EHD1: variants seen among roughly 807,000 people sequenced by gnomAD.
EHD1 encodes the protein EH domain-containing protein 1.
EHD1 carries 19 observed loss-of-function variants against 39.0 expected under a neutral mutation model. The ratio of observed to expected loss-of-function variants is 0.49; its 90% CI spans 0.34 to 0.72. The LOEUF (loss-of-function observed/expected upper bound fraction) is 0.72, where lower values mean the gene tolerates loss of function less well. Ranked by LOEUF, EHD1 falls within the 30% of genes least tolerant of loss-of-function variation. The pLI is 0.01. For missense variants in EHD1, 542 were observed against 751.5 expected (o/e 0.72, Z 3.26); for synonymous variants, 323 against 331.2 (o/e 0.98, Z 0.27).
In EHD1 at chr11:64,854,120, A is replaced by G; in HGVS notation, c.*213T>C. The G allele has an allele frequency of 1.2e-6, 1 of 808,306 alleles. No individual in the cohort carries two copies. Among genetic ancestry groups the G allele is most frequent in the Non-Finnish European group, 1.9e-6 (1 of 529,458 alleles). 50.1% of individuals were successfully genotyped at this position (808,306 alleles called of 1,614,324 possible). On this transcript the variant is annotated 3_prime_UTR_variant, in exon 5 of 5. Transcript: ENST00000320631. ...TCTAACGTTATATATTAAAATAGCC[A>G]CAGTTCTTGTGCACACAATTCCATC...
chr11:64,871,746 G>C (rs1006432032), intron 2 of EHD1, among the ~76,000 whole-genome samples: 2 of 152,252 alleles, frequency 1.3e-5, no homozygotes, highest in African/African-American at 4.8e-5. Context: ...GGCCTCTCAG[G>C]GATGCAGAGG....
intron 1 of EHD1, chr11:64,877,729 AC>A: frequency 3.5e-6 from 1 of 288,192 alleles, no homozygotes; most frequent in Non-Finnish European, 6.4e-6. Flanking sequence ...GGAGGTGGAG[AC>A]CAAGAAAAGG....
At chr11:64,876,188 C>G (rs1302472049) in intron 1 of EHD1, among the ~76,000 whole-genome samples, 2 of 152,212 alleles carry the variant, frequency 1.3e-5, no homozygotes, top group Non-Finnish European at 2.9e-5. Flanking sequence ...TCTGCTCCAG[C>G]TGATTTTATT....
chr11:64,859,182 G>A (rs1943686361), intron 3 of EHD1, among the ~76,000 whole-genome samples: 1 of 152,150 alleles, frequency 6.6e-6, no homozygotes, highest in Non-Finnish European at 1.5e-5. Flanking sequence ...GAGTGGACAG[G>A]GGCTGTGTGT....
At chr11:64,873,504 A>T (rs1199558975) in intron 2 of EHD1, among the ~76,000 whole-genome samples, 1 of 152,144 alleles carries the variant, frequency 6.6e-6, no homozygotes, top group Non-Finnish European at 1.5e-5. Flanking sequence ...TGTTGTTTCC[A>T]GCATGCCCCA....
At chr11:64,859,833 G>A in intron 3 of EHD1, 91 bp downstream of exon 3, 1 of 1,489,282 alleles carries the variant, frequency 6.7e-7, no homozygotes, top group Admixed American at 2.3e-5. Flanking sequence ...AGCTGGGAAG[G>A]GTCTCGGGCA....
chr11:64,871,624 T>C (rs759144025), intron 2 of EHD1, among the ~76,000 whole-genome samples: 1 of 152,254 alleles, frequency 6.6e-6, no homozygotes. Flanking sequence ...CTTCTGCTAC[T>C]TCACAGCAGG....
In EHD1 at chr11:64,859,912, C is replaced by A. The variant is rs1392657264; in HGVS notation, c.915+12G>T. The A allele has an allele frequency of 6.2e-7, 1 of 1,605,180 alleles. No individual in the cohort carries two copies. Among genetic ancestry groups the A allele is most frequent in the Non-Finnish European group, 8.5e-7 (1 of 1,174,622 alleles). On this transcript the variant is annotated intron_variant, in intron 3 of 4. Coordinates refer to ENST00000320631, the MANE Select transcript of EHD1 (RefSeq NM_006795.4). ...CCTGGCAATAGGCTGCTCCCCTCACCCCAGGGTCTACCTTGGCCAGCCGTG... is the reference window on the plus strand; with the variant it reads ...CCTGGCAATAGGCTGCTCCCCTCACACCAGGGTCTACCTTGGCCAGCCGTG...
At chr11:64,858,547 C>T (rs1943678955) in intron 3 of EHD1, among the ~76,000 whole-genome samples, 1 of 152,194 alleles carries the variant, frequency 6.6e-6, no homozygotes, top group African/African-American at 2.4e-5. Context: ...TAGCTAGGTG[C>T]CCTGCTGATA....
intron 3 of EHD1, among the ~76,000 whole-genome samples, chr11:64,857,477 C>T (rs1943665817): frequency 6.6e-6 from 1 of 152,044 alleles, no homozygotes; most frequent in African/African-American, 2.4e-5. Context: ...AACACGCAGC[C>T]CTCTGTCCTC....
At chr11:64,862,398 C>T (rs1227428027) in intron 2 of EHD1, among the ~76,000 whole-genome samples, 1 of 152,214 alleles carries the variant, frequency 6.6e-6, no homozygotes, top group Non-Finnish European at 1.5e-5. Flanking sequence ...TTCCCAGCCT[C>T]CTTCAGCAGA....
At chr11:64,873,434 G>A (rs1399026515) in intron 2 of EHD1, among the ~76,000 whole-genome samples, 1 of 152,174 alleles carries the variant, frequency 6.6e-6, no homozygotes, top group Non-Finnish European at 1.5e-5. Flanking sequence ...TGGGGACCAG[G>A]GGCTTGTTCA....
upstream of EHD1, chr11:64,878,771 C>G: frequency 7.9e-7 from 1 of 1,269,992 alleles, no homozygotes; most frequent in African/African-American, 1.6e-5. Flanking sequence ...CTTCCCCTAC[C>G]CCGCCCCCAT....
In EHD1 at chr11:64,865,216, C is replaced by A. The variant is rs1036041970; in HGVS notation, c.503-4880G>T. ...TGCAGGCAGTGACCACGTAACTGCA[C>A]GCCCCACCAGGCCCACCGGCGCTCC... On this transcript the variant is annotated intron_variant, in intron 2 of 4. Transcript: ENST00000320631. Among the ~76,000 whole-genome samples, 4 of 152,392 alleles carry A rather than the reference C, an allele frequency of 2.6e-5. No individual in the cohort carries two copies. In the South Asian group the frequency reaches 8.3e-4, roughly 32 times the overall value.
chr11:64,879,535 C>T, upstream of EHD1: 1 of 1,539,236 alleles, frequency 6.5e-7, no homozygotes, highest in South Asian at 1.2e-5. Context: ...TTTAAAAACC[C>T]AAATACTTCC....
rs1264868184 is a variant in EHD1, at chr11:64,855,388, G to T, written c.1014C>A (p.Ile338=). The change falls in exon 4 of 5, where the codon ATC becomes ATA. Residue 338 remains isoleucine, a synonymous_variant. Coordinates refer to ENST00000320631, the MANE Select transcript of EHD1 (RefSeq NM_006795.4). ...GGTGCTCGCGCTCAATCTTCTGGTAGATCTCTCCGAGGTTGTTCACCAGCT... is the reference window on the plus strand; with the variant it reads ...GGTGCTCGCGCTCAATCTTCTGGTATATCTCTCCGAGGTTGTTCACCAGCT... ...KKELVNNLGE[I]YQKIEREHQI... is the part of the protein sequence containing the mutation. 6.2e-7 allele frequency: 1 copy of T among 1,614,170 alleles called. No individual in the cohort carries two copies. Among genetic ancestry groups the T allele is most frequent in the Admixed American group, 1.7e-5 (1 of 60,030 alleles).
rs1465592519 is a variant in EHD1 at position 64,854,613 on chromosome 11, C to T, written c.1325G>A (p.Gly442Asp). The T allele has an allele frequency of 6.2e-7, 1 of 1,613,898 alleles. No individual in the cohort carries two copies. The highest frequency in any genetic ancestry group is 8.5e-7 in the Non-Finnish European group (1 of 1,179,970). Residue 442 changes from glycine to aspartate, a missense_variant, in exon 5 of 5, where the codon GGC (glycine) becomes GAC (aspartate). Gly to Asp is a moderately conservative substitution (Grantham distance 94). Transcript: ENST00000320631. Reference sequence around the variant, plus strand: ...CTCGTCGTAGGTGGGCTTGTCCTTGCCCACCACCCACTCCACGTCGTCGAT... The same window carrying T: ...CTCGTCGTAGGTGGGCTTGTCCTTGTCCACCACCCACTCCACGTCGTCGAT... Reference protein sequence around the residue: ...EGIDDVEWVVGKDKPTYDEIF... With the variant: ...EGIDDVEWVVDKDKPTYDEIF...
intron 2 of EHD1, among the ~76,000 whole-genome samples, chr11:64,861,515 G>A (rs1025956941): frequency 6.6e-6 from 1 of 152,194 alleles, no homozygotes; most frequent in Non-Finnish European, 1.5e-5. Flanking sequence ...CTTTTTCAGT[G>A]CTGATGTGCC....
intron 1 of EHD1, 38 bp downstream of exon 1, chr11:64,878,022 CG>C (rs1943903835): frequency 6.7e-7 from 1 of 1,481,588 alleles, no homozygotes; most frequent in East Asian, 2.4e-5. Flanking sequence ...GGGTGTGCCC[CG>C]GACGCGCCCC....
Sources: allele counts gnomAD v4.1 joint callset (sites outside exome capture counted in the v4.1 genomes callset), GRCh38; gene constraint gnomAD v4.1.1; transcripts MANE v1.5; gene names NCBI Gene and HGNC (gene_info 2026-07-23, HGNC 2026-07-21).